CCDC30: variants seen among roughly 807,000 people sequenced by gnomAD.
CCDC30 encodes the protein coiled-coil domain containing 30.
Under a neutral mutation model 100.2 loss-of-function variants are expected in CCDC30, and 70 were observed. The ratio of observed to expected loss-of-function variants is 0.70; its 90% CI spans 0.58 to 0.85. The LOEUF is 0.85. CCDC30 is among the 40% of genes least tolerant of loss of function. CCDC30 has a pLI of 0.00. For synonymous variants in CCDC30, 233 were observed against 269.5 expected (o/e 0.86, Z 1.33); for missense variants, 652 against 771.2 (o/e 0.85, Z 1.83).
intron 6 of CCDC30, among the ~76,000 whole-genome samples, chr1:42,517,934 A>T (rs1299565250): frequency 6.6e-6 from 1 of 152,104 alleles, no homozygotes; most frequent in Non-Finnish European, 1.5e-5. Context: ...TTTCTTTTTC[A>T]AGATTGTTGT....
intron 13 of CCDC30, among the ~76,000 whole-genome samples, chr1:42,643,187 G>A (rs1270625447): frequency 6.6e-6 from 1 of 152,160 alleles, no homozygotes; most frequent in East Asian, 1.9e-4. Context: ...GCTAGGCACT[G>A]TTCTAAGCTC....
chr1:42,500,703 G>A (rs535743450), intron 6 of CCDC30, among the ~76,000 whole-genome samples: 8 of 152,244 alleles, frequency 5.3e-5, no homozygotes, highest in Non-Finnish European at 5.9e-5. Flanking sequence ...GAAAGCCACC[G>A]TGCCCAGCCT....
rs149964612 is a variant in CCDC30, at chr1:42,531,979, A to G, written c.456+33063A>G. Among the ~76,000 whole-genome samples the G allele has an allele frequency of 6.5e-4, 99 of 152,270 alleles. 1 individual carries two copies. The East Asian group carries it at 7.9e-3, about 12-fold the overall frequency. On this transcript the variant is annotated intron_variant, in intron 6 of 16. Coordinates refer to ENST00000668663, the Ensembl canonical transcript of CCDC30. ...GTAAAATGTGAAAGTCAAGATTTCA[A>G]ATCTCAACCTAACTACAAGACCTAT...
intron 3 of CCDC30, among the ~76,000 whole-genome samples, chr1:42,488,408 G>T (rs1644085655): frequency 6.6e-6 from 1 of 152,018 alleles, no homozygotes. Context: ...TGAGTTCCTG[G>T]GTTCAAGTGA....
At chr1:42,550,761 C>A (rs569746041) in intron 6 of CCDC30, among the ~76,000 whole-genome samples, 1 of 152,294 alleles carries the variant, frequency 6.6e-6, no homozygotes, top group East Asian at 1.9e-4. Context: ...TAGATGTAGG[C>A]TATGTGAGGG....
chr1:42,488,775 G>A (rs140372475), intron 3 of CCDC30, among the ~76,000 whole-genome samples: 257 of 152,266 alleles, frequency 1.7e-3, no homozygotes, highest in African/African-American at 4.9e-3. Flanking sequence ...TAAGTCAAAT[G>A]TTTTCAGAAC....
At chr1:42,654,291 A>G (rs557430780), downstream of CCDC30, 1 of 381,492 alleles carries the variant, frequency 2.6e-6, no homozygotes, top group East Asian at 4.9e-5. Flanking sequence ...GAGCACATGT[A>G]GGGTTAATTC....
At chr1:42,558,571 G>A (rs1645421265) in intron 6 of CCDC30, among the ~76,000 whole-genome samples, 1 of 152,110 alleles carries the variant, frequency 6.6e-6, no homozygotes, top group Non-Finnish European at 1.5e-5. Context: ...AAGTATAGAA[G>A]ATGAAGTAAT....
At chr1:42,520,621 C>T (rs555745215) in intron 6 of CCDC30, among the ~76,000 whole-genome samples, 11 of 148,552 alleles carry the variant, frequency 7.4e-5, no homozygotes, top group East Asian at 6.0e-4. Context: ...TGAGCCACCA[C>T]GCCCGGCCTC....
intron 6 of CCDC30, among the ~76,000 whole-genome samples, chr1:42,525,512 G>T (rs542404369): frequency 6.6e-6 from 1 of 151,718 alleles, no homozygotes; most frequent in Admixed American, 6.6e-5. Context: ...TTATTCATTA[G>T]GTCTCTTAAA....
At chr1:42,510,024 G>C (rs1014752764) in intron 6 of CCDC30, 1 of 973,048 alleles carries the variant, frequency 1.0e-6, no homozygotes, top group Non-Finnish European at 1.2e-6. Context: ...CATGAAAAAA[G>C]GAAGGAAAAA....
At chr1:42,494,347 A>C (rs1447747720) in intron 4 of CCDC30, among the ~76,000 whole-genome samples, 1 of 152,222 alleles carries the variant, frequency 6.6e-6, no homozygotes, top group African/African-American at 2.4e-5. Flanking sequence ...CTTATATGAA[A>C]ATTAATTCAA....
At chr1:42,554,801 C>T (rs1050873252) in intron 6 of CCDC30, among the ~76,000 whole-genome samples, 12 of 152,132 alleles carry the variant, frequency 7.9e-5, no homozygotes, top group African/African-American at 2.4e-5. Flanking sequence ...TTCACCTCCT[C>T]TGCTTGTTCC....
chr1:42,621,297 A>G (rs1380122537), intron 11 of CCDC30, among the ~76,000 whole-genome samples: 3 of 151,866 alleles, frequency 2.0e-5, no homozygotes, highest in Non-Finnish European at 4.4e-5. Flanking sequence ...ATATGATTAT[A>G]CTTTTTTGGT....
In CCDC30 at chr1:42,600,808, G is replaced by GCTCT. The variant is rs150834412; in HGVS notation, c.1165-10152_1165-10149dup. ...GAAAGTGTATAACATTTCCCCCTGT[G>GCTCT]CTCTCTCTCTCTCTCTCTCTCACTC... On this transcript the variant is annotated intron_variant, in intron 10 of 16. Coordinates refer to ENST00000668663, the Ensembl canonical transcript of CCDC30. Among the ~76,000 whole-genome samples the GCTCT allele has an allele frequency of 1.3e-3, 194 of 146,846 alleles. 3 individuals are homozygous for GCTCT. The highest frequency in any genetic ancestry group is 2.8e-3 in the African/African-American group (111 of 39,752).
At chr1:42,522,478 C>A (rs777027344) in intron 6 of CCDC30, among the ~76,000 whole-genome samples, 10 of 152,130 alleles carry the variant, frequency 6.6e-5, no homozygotes, top group Non-Finnish European at 1.2e-4. Context: ...AAACACTTTT[C>A]TTTTCTTCTC....
At chr1:42,515,207 C>CAGA (rs112028755) in intron 6 of CCDC30, among the ~76,000 whole-genome samples, 1 of 136,810 alleles carries the variant, frequency 7.3e-6, no homozygotes, top group Admixed American at 7.3e-5. Flanking sequence ...AGCTGCAAGC[C>CAGA]AAAAAAAAAA....
intron 10 of CCDC30, among the ~76,000 whole-genome samples, chr1:42,603,211 T>G (rs1646438435): frequency 6.6e-6 from 1 of 152,158 alleles, no homozygotes; most frequent in Admixed American, 6.5e-5. Flanking sequence ...TGGCACTTTG[T>G]TGCTGCACCC....
intron 7 of CCDC30, chr1:42,571,099 C>G (rs982083264): frequency 6.6e-6 from 1 of 152,196 alleles, no homozygotes; most frequent in South Asian, 2.1e-4. Context: ...TTACCAGCAT[C>G]GCCAAAACCT....
Sources: allele counts gnomAD v4.1 joint callset (sites outside exome capture counted in the v4.1 genomes callset), GRCh38; gene constraint gnomAD v4.1.1; transcripts MANE v1.5; gene names NCBI Gene and HGNC (gene_info 2026-07-23, HGNC 2026-07-21).